The following SOX5 variants were observed in gnomAD, a reference collection of about 807,000 sequenced individuals.
SOX5 encodes transcription factor SOX-5.
A neutral mutation model predicts 92.0 loss-of-function variants in SOX5; 9 were observed. The ratio of observed to expected loss-of-function variants is 0.10; its 90% CI spans 0.06 to 0.17. The LOEUF is 0.17. SOX5 is among the 10% of genes least tolerant of loss of function. The pLI is 1.00. For synonymous variants in SOX5, 344 were observed against 336.3 expected, an observed-to-expected ratio of 1.02 and a Z score of -0.25; for missense variants, 642 against 944.5, an observed-to-expected ratio of 0.68 and a Z score of 4.20.
At position 23,961,730 on chromosome 12, in the gene SOX5, A is replaced by AT. The variant is rs201504697; in HGVS notation, c.-1-65707dup. Among the ~76,000 whole-genome samples, 1,158 of 152,272 alleles carry AT rather than the reference A, an allele frequency of 7.6e-3. 3 individuals carry two copies. Among genetic ancestry groups the AT allele is most frequent in the Non-Finnish European group, 0.014 (963 of 68,014 alleles). Reference sequence around the variant, plus strand: ...TTTTCATTATTGTATCCTCAAGACTATTTCACAGCATTGTATGTAGTACCA... The same window carrying AT: ...TTTTCATTATTGTATCCTCAAGACTATTTTCACAGCATTGTATGTAGTACCA... On this transcript the variant is annotated intron_variant, in intron 4 of 4. Coordinates refer to the SOX5 transcript ENST00000446891.
intron 2 of SOX5, among the ~76,000 whole-genome samples, chr12:23,893,427 A>C (rs2097148302): frequency 6.6e-6 from 1 of 151,808 alleles, no homozygotes; most frequent in Non-Finnish European, 1.5e-5. Context: ...GCCTGGTGAC[A>C]GGGCGGGACT....
rs60085412 is a variant in SOX5, at chr12:24,056,974, C to CAAAAAAAAAAAA, written c.-2+156357_-2+156368dup. On this transcript the variant is annotated intron_variant, in intron 4 of 4. Transcript: ENST00000446891. ...TGGGCGACAGAGCGAGACTCCGTCT[C>CAAAAAAAAAAAA]AAAAAAAAAAAAAAAAAAATTCAAC... 7.1e-3 allele frequency among the ~76,000 whole-genome samples: 263 copies of CAAAAAAAAAAAA among 36,818 alleles called. 9 individuals are homozygous for CAAAAAAAAAAAA. Among genetic ancestry groups the CAAAAAAAAAAAA allele is most frequent in the African/African-American group, 0.02 (217 of 10,852 alleles). The allele number at this position is 36,818 out of a possible 152,430, so 24.2% of individuals were successfully genotyped here.
intron 8 of SOX5, among the ~76,000 whole-genome samples, chr12:23,609,154 G>A (rs2075649665): frequency 6.6e-6 from 1 of 152,122 alleles, no homozygotes; most frequent in African/African-American, 2.4e-5. Context: ...TTGCTGCAAG[G>A]GAAATATAGA....
At chr12:24,224,281 C>T (rs139653946) in intron 3 of SOX5, among the ~76,000 whole-genome samples, 6 of 152,198 alleles carry the variant, frequency 3.9e-5, no homozygotes, top group South Asian at 4.2e-4. Flanking sequence ...ATTTTGATTA[C>T]TTAGAGCTAA....
At chr12:24,391,574 C>T (rs367580225) in intron 1 of SOX5, among the ~76,000 whole-genome samples, 17 of 152,202 alleles carry the variant, frequency 1.1e-4, no homozygotes, top group South Asian at 4.2e-4. Context: ...TACAGTTCTT[C>T]GGCTATTAAT....
At chr12:24,161,389 C>G (rs1418751363) in intron 4 of SOX5, among the ~76,000 whole-genome samples, 1 of 152,044 alleles carries the variant, frequency 6.6e-6, no homozygotes, top group Non-Finnish European at 1.5e-5. Context: ...GGCCATGTTT[C>G]ACAGATCAGC....
intron 2 of SOX5, among the ~76,000 whole-genome samples, chr12:24,338,227 T>C (rs1412657082): frequency 2.6e-5 from 4 of 152,206 alleles, no homozygotes; most frequent in African/African-American, 9.6e-5. Context: ...ATTACTGTAT[T>C]GGTCATTTGC....
At chr12:24,072,919 A>G (rs1425068947) in intron 4 of SOX5, among the ~76,000 whole-genome samples, 2 of 152,230 alleles carry the variant, frequency 1.3e-5, no homozygotes, top group East Asian at 3.9e-4. Flanking sequence ...GAAAACATAG[A>G]TAAGTCACAG....
At chr12:24,245,718 A>G (rs960987922) in intron 3 of SOX5, among the ~76,000 whole-genome samples, 4 of 152,216 alleles carry the variant, frequency 2.6e-5, no homozygotes, top group Non-Finnish European at 4.4e-5. Flanking sequence ...AACAAGGTTT[A>G]AAACCCAACC....
chr12:23,538,246 A>T (rs979673724), intron 13 of SOX5, among the ~76,000 whole-genome samples: 1 of 152,198 alleles, frequency 6.6e-6, no homozygotes, highest in Non-Finnish European at 1.5e-5. Context: ...ATTAAAGCAT[A>T]CAGTGAAAGA....
chr12:24,456,682 C>T (rs1943056819), intron 1 of SOX5, among the ~76,000 whole-genome samples: 1 of 152,200 alleles, frequency 6.6e-6, no homozygotes, highest in Admixed American at 6.5e-5. Context: ...ACCCAAGCAC[C>T]TCACTGGGAC....
chr12:24,102,340 C>T lies in SOX5; in HGVS notation c.-2+111003G>A, dbSNP rs376564974. ...CCAACTAGTAAATTTGCAATAACAC[C>T]ATTTGTTTCCCTGGAAAATGTCTCT... On this transcript the variant is annotated intron_variant, in intron 4 of 4. Transcript: ENST00000446891. Among the ~76,000 whole-genome samples the T allele has an allele frequency of 6.6e-5, 10 of 152,198 alleles. No individual in the cohort carries two copies. The East Asian group carries it at 1.3e-3, about 21-fold the overall frequency.
chr12:23,923,126 T>C (rs911074535), intron 1 of SOX5, among the ~76,000 whole-genome samples: 7 of 152,038 alleles, frequency 4.6e-5, no homozygotes, highest in African/African-American at 1.7e-4. Flanking sequence ...TTTGTATTTT[T>C]ACTAGAGACG....
intron 4 of SOX5, among the ~76,000 whole-genome samples, chr12:24,068,760 A>ACT (rs1941306845): frequency 7.8e-6 from 1 of 128,432 alleles, no homozygotes; most frequent in Non-Finnish European, 1.6e-5. Flanking sequence ...ACACACACAC[A>ACT]TTAGTTCCTA....
chr12:24,139,707 C>T (rs550419578), intron 4 of SOX5, among the ~76,000 whole-genome samples: 4 of 152,132 alleles, frequency 2.6e-5, no homozygotes, highest in African/African-American at 4.8e-5. Context: ...TCTCCATATT[C>T]CCATATTTAA....
At chr12:24,339,284 A>C (rs1223872428) in intron 2 of SOX5, among the ~76,000 whole-genome samples, 1 of 151,952 alleles carries the variant, frequency 6.6e-6, no homozygotes, top group Admixed American at 6.6e-5. Flanking sequence ...CCTCTGGAGA[A>C]TCAAGAAAAG....
At chr12:24,280,147 C>T (rs1219368284) in intron 2 of SOX5, among the ~76,000 whole-genome samples, 1 of 151,980 alleles carries the variant, frequency 6.6e-6, no homozygotes, top group Non-Finnish European at 1.5e-5. Context: ...CTATTTACAC[C>T]CTCTACTTTA....
intron 9 of SOX5, among the ~76,000 whole-genome samples, chr12:23,580,883 A>G (rs1949944106): frequency 6.6e-6 from 1 of 152,096 alleles, no homozygotes; most frequent in African/African-American, 2.4e-5. Flanking sequence ...ATGTGAAACA[A>G]ATATGTAGCC....
At chr12:23,758,580 G>A (rs1185098508) in intron 3 of SOX5, among the ~76,000 whole-genome samples, 2 of 151,882 alleles carry the variant, frequency 1.3e-5, no homozygotes, top group South Asian at 2.1e-4. Context: ...CCAAAACTTA[G>A]GAAGTTATCA....
Sources: gnomAD v4.1 joint callset for allele counts (sites outside exome capture counted in the v4.1 genomes callset) on GRCh38, gnomAD v4.1.1 for gene constraint, MANE v1.5 for transcripts, NCBI Gene and HGNC (gene_info 2026-07-23, HGNC 2026-07-21) for gene names.